SPRR2B: variants seen among roughly 807,000 people sequenced by gnomAD.
The protein encoded by SPRR2B is small proline-rich protein 2B.
Under a neutral mutation model 1.0 loss-of-function variants are expected in SPRR2B, and 1 was observed. The ratio of observed to expected loss-of-function variants is 1.01; its 90% CI spans 0.36 to 4.77. The LOEUF (loss-of-function observed/expected upper bound fraction) is 4.77. Among genes scored for constraint, SPRR2B ranks in the 30% most tolerant of loss-of-function variants. The pLI, the probability that SPRR2B is intolerant of heterozygous loss-of-function variation, is 0.16. For synonymous variants in SPRR2B, 27 were observed against 33.4 expected (o/e 0.81, Z 0.66); for missense variants, 53 against 88.7 (o/e 0.60, Z 1.62).
chr1:153,075,682 TA>T (rs112859456), upstream of SPRR2B, among the ~76,000 whole-genome samples: 4,893 of 152,220 alleles, frequency 0.032, 241 homozygotes, highest in African/African-American at 0.11. Flanking sequence ...ATCAAAGAGA[TA>T]GGGGCAAAAT....
At chr1:153,077,196 C>T in the SPRR2B span, among the ~76,000 whole-genome samples, 2 of 152,112 alleles carry the variant, frequency 1.3e-5, no homozygotes, top group Non-Finnish European at 1.5e-5. Context: ...AGTGGGATGA[C>T]GTATTTAAAG....
At chr1:153,087,298 T>C in the SPRR2B span, among the ~76,000 whole-genome samples, 1 of 150,424 alleles carries the variant, frequency 6.6e-6, no homozygotes. Flanking sequence ...AAAAAAAATC[T>C]GGAAAGATCT....
upstream of SPRR2B, among the ~76,000 whole-genome samples, chr1:153,071,936 A>G (rs933507094): frequency 1.3e-5 from 2 of 152,180 alleles, no homozygotes; most frequent in Non-Finnish European, 2.9e-5. Flanking sequence ...CTTTAGCTGA[A>G]TGCCATATTG....
chr1:153,078,364 TTC>T, the SPRR2B span, among the ~76,000 whole-genome samples: 1 of 128,882 alleles, frequency 7.8e-6, no homozygotes, highest in Non-Finnish European at 1.9e-5. Flanking sequence ...GGAGCTTACT[TTC>T]TGTTTTTTTA....
the SPRR2B span, among the ~76,000 whole-genome samples, chr1:153,081,775 A>G: frequency 6.6e-6 from 1 of 152,094 alleles, no homozygotes; most frequent in South Asian, 2.1e-4. Flanking sequence ...TGAATTCAAC[A>G]TAAAAACAGG....
At chr1:153,084,298 T>G in the SPRR2B span, among the ~76,000 whole-genome samples, 1 of 152,134 alleles carries the variant, frequency 6.6e-6, no homozygotes, top group Non-Finnish European at 1.5e-5. Context: ...CATCCTGCCC[T>G]GTCACTGCTG....
chr1:153,082,544 T>G, the SPRR2B span, among the ~76,000 whole-genome samples: 3 of 152,098 alleles, frequency 2.0e-5, no homozygotes, highest in Non-Finnish European at 2.9e-5. Context: ...AACTAAAATC[T>G]TATAATCAAA....
rs1468389319 is a variant in SPRR2B at position 153,070,975 on chromosome 1, C to T, written c.-19-117G>A. On this transcript the variant is annotated intron_variant, in intron 1 of 1. Transcript: ENST00000368755. ...CAATCTCCAAAAATTTATTTAAACTCTTAGCTCTCTTTTCATGACTTCCTG... is the reference window on the plus strand; with the variant it reads ...CAATCTCCAAAAATTTATTTAAACTTTTAGCTCTCTTTTCATGACTTCCTG... The T allele has an allele frequency of 2.0e-5, 19 of 929,750 alleles. 3 individuals carry two copies. Among genetic ancestry groups the T allele is most frequent in the Non-Finnish European group, 2.9e-5 (19 of 645,018 alleles). The allele number at this position is 929,750 out of a possible 1,614,324, so 57.6% of individuals were successfully genotyped here.
rs1570987826 is a variant in SPRR2B at position 153,070,461 on chromosome 1, T to C, written c.*160A>G. On this transcript the variant is annotated 3_prime_UTR_variant, in exon 2 of 2. Coordinates refer to ENST00000368755, the MANE Select transcript of SPRR2B (RefSeq NM_001388198.1). ...GTATGGCAGCCTTAGAAAGGAAACC[T>C]TTTGCTATCAGGGAACATCATGGGC... 7.3e-7 allele frequency: 1 copy of C among 1,362,488 alleles called. No homozygotes were observed. The highest frequency in any genetic ancestry group is 9.9e-7 in the Non-Finnish European group (1 of 1,012,620). The allele number at this position is 1,362,488 out of a possible 1,614,324, so 84.4% of individuals were successfully genotyped here.
the SPRR2B span, among the ~76,000 whole-genome samples, chr1:153,081,036 C>T: frequency 2.0e-5 from 3 of 152,178 alleles, no homozygotes; most frequent in African/African-American, 7.2e-5. Flanking sequence ...AAGTCAGTCT[C>T]AAAGGCTGTA....
chr1:153,078,042 A>G, the SPRR2B span, among the ~76,000 whole-genome samples: 1 of 152,362 alleles, frequency 6.6e-6, no homozygotes, highest in South Asian at 2.1e-4. Flanking sequence ...ATTGTACAGA[A>G]AAGAGTAAAT....
the SPRR2B span, among the ~76,000 whole-genome samples, chr1:153,086,793 A>G: frequency 4.6e-5 from 7 of 152,224 alleles, no homozygotes; most frequent in African/African-American, 1.7e-4. Flanking sequence ...TCATTGCCAC[A>G]TGGCTCATAG....
the SPRR2B span, among the ~76,000 whole-genome samples, chr1:153,084,040 C>T: frequency 6.6e-6 from 1 of 152,178 alleles, no homozygotes; most frequent in African/African-American, 2.4e-5. Flanking sequence ...AGCCTGGATG[C>T]ACTTCCTTGC....
At chr1:153,082,766 AG>A in the SPRR2B span, among the ~76,000 whole-genome samples, 2 of 152,116 alleles carry the variant, frequency 1.3e-5, no homozygotes, top group Non-Finnish European at 1.5e-5. Flanking sequence ...GAAAAAAAAA[AG>A]ATCTCAGATA....
Position 153,070,532 on chromosome 1 carries a change from A to G in SPRR2B, c.*89T>C. ...AGAAGCTCCCTATGAATCCATGATAAGCTTTGATGAGAAGATGAAGGTGGA... is the reference window on the plus strand; with the variant it reads ...AGAAGCTCCCTATGAATCCATGATAGGCTTTGATGAGAAGATGAAGGTGGA... On this transcript the variant is annotated 3_prime_UTR_variant, in exon 2 of 2. Coordinates refer to ENST00000368755, the MANE Select transcript of SPRR2B (RefSeq NM_001388198.1). 1 of 1,547,492 alleles carries G rather than the reference A, an allele frequency of 6.5e-7. No individual in the cohort carries two copies. Among genetic ancestry groups the G allele is most frequent in the South Asian group, 1.2e-5 (1 of 80,004 alleles).
upstream of SPRR2B, among the ~76,000 whole-genome samples, chr1:153,073,988 A>G (rs1477723548): frequency 2.6e-5 from 4 of 152,198 alleles, no homozygotes; most frequent in Non-Finnish European, 5.9e-5. Context: ...TCATAATGCT[A>G]TGAAATTTAC....
chr1:153,081,419 C>T, the SPRR2B span, among the ~76,000 whole-genome samples: 1 of 152,198 alleles, frequency 6.6e-6, no homozygotes, highest in East Asian at 1.9e-4. Flanking sequence ...TAAAATAAAA[C>T]ACTTTCAACC....
upstream of SPRR2B, among the ~76,000 whole-genome samples, chr1:153,076,457 G>T (rs1034746802): frequency 6.6e-6 from 1 of 152,094 alleles, no homozygotes; most frequent in Admixed American, 6.6e-5. Context: ...AATGTGCATA[G>T]GCTGTGGTCT....
upstream of SPRR2B, among the ~76,000 whole-genome samples, chr1:153,071,690 G>A (rs888066053): frequency 3.3e-5 from 5 of 152,244 alleles, no homozygotes; most frequent in East Asian, 9.6e-4. Context: ...AACTGAGCTG[G>A]TCCAGCAATG....
Sources: gnomAD v4.1 joint callset for allele counts (sites outside exome capture counted in the v4.1 genomes callset) on GRCh38, gnomAD v4.1.1 for gene constraint, MANE v1.5 for transcripts, NCBI Gene and HGNC (gene_info 2026-07-23, HGNC 2026-07-21) for gene names.